The following MTCL1 variants were observed in gnomAD, a reference collection of about 807,000 sequenced individuals.
MTCL1 encodes microtubule cross-linking factor 1.
In MTCL1, 79 loss-of-function variants were observed where a neutral mutation model predicts 141.4. That is an observed-to-expected ratio of 0.56 (90% CI 0.47 to 0.67). MTCL1 has a LOEUF of 0.67. Ranked by LOEUF, MTCL1 falls within the 30% of genes least tolerant of loss-of-function variation. MTCL1 has a pLI of 0.00. For missense variants in MTCL1, 2,177 were observed against 2,113.9 expected, an observed-to-expected ratio of 1.03 and a Z score of -0.59; for synonymous variants, 914 against 875.8, an observed-to-expected ratio of 1.04 and a Z score of -0.77.
intron 8 of MTCL1, among the ~76,000 whole-genome samples, chr18:8,794,464 A>G (rs1366215071): frequency 6.6e-6 from 1 of 152,136 alleles, no homozygotes; most frequent in East Asian, 1.9e-4. Context: ...AGGGAGAGAA[A>G]AGAAGGCTCT....
rs1356481162 is a variant in MTCL1, at chr18:8,779,888, T to C, written c.417+1996T>C. 6.6e-6 allele frequency among the ~76,000 whole-genome samples: 1 copy of C among 152,220 alleles called. No homozygotes were observed. The highest frequency in any genetic ancestry group is 1.5e-5 in the Non-Finnish European group (1 of 68,040). ...GTTAGAGTATGTCATAGGATCTTGC[T>C]GCTTTAACTGACCTGGGTTTAGGTT... On this transcript the variant is annotated intron_variant, in intron 5 of 16. Coordinates refer to ENST00000359865, the Ensembl canonical transcript of MTCL1. The surrounding 1 kb of genome is among the most constrained non-coding windows in gnomAD (Gnocchi z 4.1).
At chr18:8,739,100 C>T (rs925430733) in intron 4 of MTCL1, among the ~76,000 whole-genome samples, 3 of 152,072 alleles carry the variant, frequency 2.0e-5, no homozygotes, top group African/African-American at 7.2e-5. Context: ...AAAAAATTAG[C>T]CAGGTGTGGT....
chr18:8,719,284 T>C (rs1036724081), intron 3 of MTCL1, among the ~76,000 whole-genome samples: 2 of 152,354 alleles, frequency 1.3e-5, no homozygotes, highest in Non-Finnish European at 1.5e-5. Context: ...CATACTGTTC[T>C]CTTTATTGCC....
intron 4 of MTCL1, among the ~76,000 whole-genome samples, chr18:8,740,869 G>A (rs756219210): frequency 4.6e-5 from 7 of 152,170 alleles, no homozygotes; most frequent in Non-Finnish European, 1.0e-4. Flanking sequence ...TATTCCTTGT[G>A]GAATCCACAG....
At chr18:8,783,190 C>T (rs747357563) in intron 5 of MTCL1, among the ~76,000 whole-genome samples, 2 of 152,000 alleles carry the variant, frequency 1.3e-5, no homozygotes, top group South Asian at 2.1e-4. Flanking sequence ...TGCGCATTCC[C>T]GCTGGGTTTT....
chr18:8,816,983 A>C (rs1486749459), intron 12 of MTCL1, among the ~76,000 whole-genome samples: 3 of 152,084 alleles, frequency 2.0e-5, no homozygotes, highest in African/African-American at 7.2e-5. Flanking sequence ...CAATTTTAGG[A>C]AACCTAACAC....
chr18:8,784,480 C>T (rs979284468), exon 6 of MTCL1: 1 of 1,569,278 alleles, frequency 6.4e-7, no homozygotes, highest in African/African-American at 1.4e-5. Flanking sequence ...ACCTAGTGAC[C>T]CTAAAACACG....
At chr18:8,739,116 G>A (rs936854434) in intron 4 of MTCL1, among the ~76,000 whole-genome samples, 7 of 152,152 alleles carry the variant, frequency 4.6e-5, no homozygotes, top group African/African-American at 1.2e-4. Context: ...GTGGTGACAT[G>A]TACCTATAGT....
At chr18:8,800,912 T>TAAAAAAAAAA (rs34820527) in intron 10 of MTCL1, 1 of 145,826 alleles carries the variant, frequency 6.9e-6, no homozygotes, top group Non-Finnish European at 1.5e-5. Context: ...AACAACTAAG[T>TAAAAAAAAAA]AAAAAAAAAA....
chr18:8,749,028 T>C (rs1252632748), intron 4 of MTCL1, among the ~76,000 whole-genome samples: 4 of 152,166 alleles, frequency 2.6e-5, no homozygotes, highest in Admixed American at 1.3e-4. Context: ...ATCTCTACTT[T>C]TAGTTCTGTT....
intron 5 of MTCL1, 71 bp downstream of exon 4, chr18:8,777,963 G>C (rs1205695265): frequency 7.0e-7 from 1 of 1,435,278 alleles, no homozygotes; most frequent in Non-Finnish European, 9.7e-7. Context: ...ATGTTTTTCA[G>C]TAAGTGTTAG....
chr18:8,795,101 C>G (rs780050212), intron 8 of MTCL1, among the ~76,000 whole-genome samples: 2 of 152,170 alleles, frequency 1.3e-5, no homozygotes, highest in Non-Finnish European at 2.9e-5. Context: ...TTATTTCAGC[C>G]AAAACTACAG....
At chr18:8,709,239 C>T (rs887468805) in intron 1 of MTCL1, among the ~76,000 whole-genome samples, 2 of 152,002 alleles carry the variant, frequency 1.3e-5, no homozygotes, top group African/African-American at 4.8e-5. Context: ...GTGGCCCAGG[C>T]TGGAGTGCAG....
intron 12 of MTCL1, among the ~76,000 whole-genome samples, chr18:8,816,161 T>C (rs1408706880): frequency 6.6e-6 from 1 of 152,214 alleles, no homozygotes; most frequent in Non-Finnish European, 1.5e-5. Flanking sequence ...TTATCAGTTA[T>C]TGGGTTGCTT....
intron 7 of MTCL1, among the ~76,000 whole-genome samples, chr18:8,791,344 C>T (rs554792792): frequency 5.9e-5 from 9 of 151,720 alleles, no homozygotes; most frequent in African/African-American, 2.2e-4. Flanking sequence ...CCAGTTTGGT[C>T]CGGGAATCCC....
At chr18:8,740,060 TGA>T (rs2096294315) in intron 4 of MTCL1, among the ~76,000 whole-genome samples, 2 of 152,214 alleles carry the variant, frequency 1.3e-5, no homozygotes, top group African/African-American at 4.8e-5. Flanking sequence ...AAAGAGGAAA[TGA>T]GAGTAACATT....
rs77383881 is a variant in MTCL1, at chr18:8,810,019, A to G, written c.2604+2959A>G. The G allele has an allele frequency of 0.019, 2,955 of 157,372 alleles. 108 individuals are homozygous for G. The highest frequency in any genetic ancestry group is 0.098 in the Admixed American group (1,565 of 16,028). The allele number at this position is 157,372 out of a possible 1,614,324, so 9.7% of individuals were successfully genotyped here. A position where few individuals can be genotyped will look rare whatever the true frequency, so the allele number is the denominator to read the frequency against. ...TGGAAAGGAGCAGCCAGAGAAATTTATGAAAATCCAAAGCAAATGCTGTCC... is the reference window on the plus strand; with the variant it reads ...TGGAAAGGAGCAGCCAGAGAAATTTGTGAAAATCCAAAGCAAATGCTGTCC... On this transcript the variant is annotated intron_variant, in intron 11 of 16. Coordinates refer to ENST00000359865, the Ensembl canonical transcript of MTCL1. This position sits in a 1 kb window ranked among gnomAD's most constrained non-coding sequence, Gnocchi z 5.0.
chr18:8,727,767 T>C (rs1051083162), intron 4 of MTCL1, among the ~76,000 whole-genome samples: 1 of 152,204 alleles, frequency 6.6e-6, no homozygotes, highest in Non-Finnish European at 1.5e-5. Context: ...ATAAATTTAA[T>C]GCATATATAA....
At position 8,828,867 on chromosome 18, in the gene MTCL1, C is replaced by T. The variant is rs752206074; in HGVS notation, c.4723-41C>T. Reference sequence around the variant, plus strand: ...CTCCTGTTTAAAAAACACTTTCCAACCTTCTTGCTTTTCTTTTCTTTCTCT... The same window carrying T: ...CTCCTGTTTAAAAAACACTTTCCAATCTTCTTGCTTTTCTTTTCTTTCTCT... On this transcript the variant is annotated intron_variant, in intron 15 of 16. Coordinates refer to ENST00000359865, the Ensembl canonical transcript of MTCL1. This position sits in a 1 kb window ranked among gnomAD's most constrained non-coding sequence, Gnocchi z 5.2. 50 of 1,613,694 alleles carry T rather than the reference C, an allele frequency of 3.1e-5. No individual in the cohort carries two copies. Among genetic ancestry groups the T allele is most frequent in the Non-Finnish European group, 4.1e-5 (48 of 1,180,008 alleles).
Sources: allele counts gnomAD v4.1 joint callset (sites outside exome capture counted in the v4.1 genomes callset), GRCh38; gene constraint gnomAD v4.1.1; non-coding constraint Gnocchi (gnomAD v3.1); transcripts MANE v1.5; gene names NCBI Gene and HGNC (gene_info 2026-07-23, HGNC 2026-07-21).